TMEM108: variants seen among roughly 807,000 people sequenced by gnomAD.
TMEM108 encodes the protein transmembrane protein 108.
In TMEM108, 12 loss-of-function variants were observed where a neutral mutation model predicts 35.1. That is an observed-to-expected ratio of 0.34 (90% confidence interval 0.22 to 0.55). The LOEUF (loss-of-function observed/expected upper bound fraction) is 0.55, where lower values mean the gene tolerates loss of function less well. TMEM108 is among the 20% of genes least tolerant of loss of function. The probability of loss-of-function intolerance (pLI) is 0.89; values close to 1 mark genes in which losing one functional copy is unlikely to be tolerated. For synonymous variants in TMEM108, 287 were observed against 308.6 expected, an observed-to-expected ratio of 0.93 and a Z score of 0.73; for missense variants, 680 against 753.3, an observed-to-expected ratio of 0.90 and a Z score of 1.14.
At chr3:133,204,314 G>C (rs777377107) in intron 2 of TMEM108, among the ~76,000 whole-genome samples, 2 of 149,948 alleles carry the variant, frequency 1.3e-5, no homozygotes, top group Non-Finnish European at 3.0e-5. Context: ...GTTCTGCTCT[G>C]ATCTTAGTTA....
chr3:133,395,524 T>G (rs1436151395), intron 5 of TMEM108, among the ~76,000 whole-genome samples: 1 of 152,232 alleles, frequency 6.6e-6, no homozygotes, highest in East Asian at 1.9e-4. Context: ...ATGTGTGTCA[T>G]GCATGGCAAG....
chr3:133,218,692 T>G (rs1945944204), intron 2 of TMEM108, among the ~76,000 whole-genome samples: 1 of 151,988 alleles, frequency 6.6e-6, no homozygotes, highest in Admixed American at 6.6e-5. Flanking sequence ...AGTAGACTTG[T>G]GTATGTTGAA....
At chr3:133,292,690 C>T (rs1301539471) in intron 3 of TMEM108, among the ~76,000 whole-genome samples, 1 of 152,154 alleles carries the variant, frequency 6.6e-6, no homozygotes, top group African/African-American at 2.4e-5. Context: ...GCATCTGTTT[C>T]AAACTCTAAA....
intron 3 of TMEM108, among the ~76,000 whole-genome samples, chr3:133,236,318 G>C (rs1946236734): frequency 6.6e-6 from 1 of 151,998 alleles, no homozygotes; most frequent in Non-Finnish European, 1.5e-5. Flanking sequence ...CCCTATCTTA[G>C]GAAAAGGAGG....
chr3:133,261,981 G>C (rs898263821), intron 3 of TMEM108, among the ~76,000 whole-genome samples: 3 of 152,228 alleles, frequency 2.0e-5, no homozygotes, highest in Non-Finnish European at 4.4e-5. Context: ...GAGCCTTGAA[G>C]TTGCACATAT....
At chr3:133,383,938 T>A (rs2073079683) in intron 4 of TMEM108, among the ~76,000 whole-genome samples, 1 of 152,182 alleles carries the variant, frequency 6.6e-6, no homozygotes, top group South Asian at 2.1e-4. Context: ...TCCTCAGTCA[T>A]GGCCCCAACT....
intron 2 of TMEM108, among the ~76,000 whole-genome samples, chr3:133,124,437 G>A (rs1319530268): frequency 6.6e-6 from 1 of 152,192 alleles, no homozygotes; most frequent in East Asian, 1.9e-4. Flanking sequence ...GCTGGAGTTA[G>A]CCTAGGGTGA....
At chr3:133,120,996 A>G (rs1367870548) in intron 2 of TMEM108, 1 of 152,216 alleles carries the variant, frequency 6.6e-6, no homozygotes, top group Non-Finnish European at 1.5e-5. Context: ...AACTGTATCG[A>G]TATGTTATCT....
intron 3 of TMEM108, among the ~76,000 whole-genome samples, chr3:133,281,254 G>T (rs1946908150): frequency 6.6e-6 from 1 of 152,184 alleles, no homozygotes. Context: ...AATATAGTCA[G>T]ATCAAAGCGG....
intron 2 of TMEM108, among the ~76,000 whole-genome samples, chr3:133,162,561 A>G (rs1279349728): frequency 6.6e-6 from 1 of 152,220 alleles, no homozygotes; most frequent in Non-Finnish European, 1.5e-5. Flanking sequence ...TCTGTCTTCC[A>G]GAGCCATTAA....
chr3:133,174,237 C>T (rs1945175778), intron 2 of TMEM108, among the ~76,000 whole-genome samples: 1 of 152,260 alleles, frequency 6.6e-6, no homozygotes, highest in South Asian at 2.1e-4. Context: ...CCTCTGTAGA[C>T]TCCACGTCTG....
intron 2 of TMEM108, among the ~76,000 whole-genome samples, chr3:133,228,210 T>G (rs1008491113): frequency 1.3e-5 from 2 of 150,422 alleles, no homozygotes; most frequent in African/African-American, 4.9e-5. Context: ...AAATTAAAGA[T>G]AGATAGATAG....
intron 2 of TMEM108, among the ~76,000 whole-genome samples, chr3:133,145,524 G>C (rs764631999): frequency 6.6e-6 from 1 of 152,104 alleles, no homozygotes; most frequent in Non-Finnish European, 1.5e-5. Flanking sequence ...AGCTTGATGG[G>C]GATAGCATTG....
chr3:133,254,012 G>C (rs1190021009), intron 3 of TMEM108, among the ~76,000 whole-genome samples: 1 of 152,074 alleles, frequency 6.6e-6, no homozygotes, highest in African/African-American at 2.4e-5. Context: ...TCATGTAAAG[G>C]AATATATGTC....
At chr3:133,386,189 C>A (rs916707705) in intron 4 of TMEM108, among the ~76,000 whole-genome samples, 8 of 152,208 alleles carry the variant, frequency 5.3e-5, no homozygotes, top group Non-Finnish European at 1.5e-5. Flanking sequence ...ATGGCTGCAA[C>A]CTCGAAGACT....
chr3:133,325,533 C>T (rs918704200), intron 3 of TMEM108, among the ~76,000 whole-genome samples: 2 of 152,040 alleles, frequency 1.3e-5, no homozygotes, highest in Admixed American at 1.3e-4. Flanking sequence ...GCACCTTATT[C>T]AGATCCTGAC....
intron 2 of TMEM108, among the ~76,000 whole-genome samples, chr3:133,055,336 A>G (rs1286920450): frequency 6.6e-6 from 1 of 152,222 alleles, no homozygotes; most frequent in Non-Finnish European, 1.5e-5. Flanking sequence ...TTTCTACAAA[A>G]ACAAAACAAA....
chr3:133,323,004 A>G (rs1241913022), intron 3 of TMEM108, among the ~76,000 whole-genome samples: 1 of 152,192 alleles, frequency 6.6e-6, no homozygotes, highest in East Asian at 1.9e-4. Flanking sequence ...TAGATGGGGC[A>G]TACTTCAAGG....
intron 2 of TMEM108, among the ~76,000 whole-genome samples, chr3:133,088,924 T>C (rs1372455059): frequency 4.6e-5 from 7 of 152,192 alleles, no homozygotes; most frequent in African/African-American, 1.7e-4. Context: ...AGAAGAGATT[T>C]AATTGGCTCA....
Sources: gnomAD v4.1 joint callset for allele counts (sites outside exome capture counted in the v4.1 genomes callset) on GRCh38, gnomAD v4.1.1 for gene constraint, MANE v1.5 for transcripts, NCBI Gene and HGNC (gene_info 2026-07-23, HGNC 2026-07-21) for gene names.